PRKCH: variants seen among roughly 807,000 people sequenced by gnomAD.
PRKCH encodes the protein protein kinase C eta type.
A neutral mutation model predicts 82.5 loss-of-function variants in PRKCH; 28 were observed. That is an observed-to-expected ratio of 0.34 (90% CI 0.25 to 0.47). PRKCH has a LOEUF of 0.47. Among genes scored for constraint, PRKCH ranks in the 20% least tolerant of loss-of-function variants. The pLI is 1.00. For synonymous variants in PRKCH, 322 were observed against 327.4 expected, an observed-to-expected ratio of 0.98 and a Z score of 0.18; for missense variants, 705 against 881.8, an observed-to-expected ratio of 0.80 and a Z score of 2.54.
At chr14:61,516,994 T>C (rs1311443908) in intron 10 of PRKCH, among the ~76,000 whole-genome samples, 1 of 152,012 alleles carries the variant, frequency 6.6e-6, no homozygotes, top group Non-Finnish European at 1.5e-5. Flanking sequence ...TTTTCAGAGG[T>C]TTGTGTTTAG....
intron 9 of PRKCH, among the ~76,000 whole-genome samples, chr14:61,476,122 C>T (rs1291229899): frequency 2.0e-5 from 3 of 152,212 alleles, no homozygotes; most frequent in African/African-American, 4.8e-5. Context: ...CACTTCTTTG[C>T]CCTTTGCTTC....
intron 1 of PRKCH, among the ~76,000 whole-genome samples, chr14:61,188,738 T>TGTGTGTGA (rs1459793910): frequency 6.2e-5 from 9 of 145,736 alleles, no homozygotes; most frequent in Middle Eastern, 3.6e-3. Flanking sequence ...TGTGTGTGTG[T>TGTGTGTGA]GATGGAGTTT....
intron 10 of PRKCH, among the ~76,000 whole-genome samples, chr14:61,500,339 A>G (rs1359137222): frequency 6.6e-6 from 1 of 151,866 alleles, no homozygotes; most frequent in Non-Finnish European, 1.5e-5. Context: ...CTGGGACTAC[A>G]AGTGTGTACC....
chr14:61,528,310 C>T (rs144523956), intron 10 of PRKCH, among the ~76,000 whole-genome samples: 58 of 152,236 alleles, frequency 3.8e-4, no homozygotes, highest in Non-Finnish European at 5.1e-4. Flanking sequence ...CCTCCCACCT[C>T]AGCCTCCCAA....
At chr14:61,289,745 GAAC>G (rs2140097909) in intron 1 of PRKCH, among the ~76,000 whole-genome samples, 1 of 152,216 alleles carries the variant, frequency 6.6e-6, no homozygotes, top group East Asian at 1.9e-4. Context: ...TTACACAATA[GAAC>G]AACATGCAAA....
At chr14:61,424,475 G>C (rs566173806) in intron 2 of PRKCH, among the ~76,000 whole-genome samples, 2 of 152,314 alleles carry the variant, frequency 1.3e-5, no homozygotes, top group Middle Eastern at 3.4e-3. Flanking sequence ...TTGGGAATTG[G>C]AGTAAAGGTG....
chr14:61,537,398 G>A (rs564971169), intron 12 of PRKCH: 2 of 152,186 alleles, frequency 1.3e-5, no homozygotes, highest in East Asian at 1.9e-4. Flanking sequence ...CTGTTTTCTG[G>A]TGTCAACATG....
At position 61,408,973 on chromosome 14, in the gene PRKCH, A is replaced by T. The variant is rs1882111188; in HGVS notation, c.427+17685A>T. 4.6e-5 allele frequency among the ~76,000 whole-genome samples: 7 copies of T among 152,184 alleles called. 1 individual carries two copies. The highest frequency in any genetic ancestry group is 4.6e-4 in the Admixed American group (7 of 15,268). On this transcript the variant is annotated intron_variant, in intron 2 of 13. Coordinates refer to ENST00000332981, the MANE Select transcript of PRKCH (RefSeq NM_006255.5). ...GCAAGGTCGGGAAGGTGTAGGAGGG[A>T]TTCACTAACTCTGGGGAAAGTGTGT...
At chr14:61,469,824 G>C (rs376757287) in intron 9 of PRKCH, among the ~76,000 whole-genome samples, 13 of 151,752 alleles carry the variant, frequency 8.6e-5, no homozygotes, top group African/African-American at 2.4e-4. Context: ...GGCAGGTTAG[G>C]GGGGAAGGTG....
chr14:61,468,734 A>G (rs957858308), intron 9 of PRKCH, among the ~76,000 whole-genome samples: 1 of 152,202 alleles, frequency 6.6e-6, no homozygotes, highest in Non-Finnish European at 1.5e-5. Context: ...GGTAGCCATC[A>G]TTATCACTGA....
At chr14:61,210,753 TTTCTCTCTCTC>T (rs1185664569) in intron 1 of PRKCH, among the ~76,000 whole-genome samples, 1 of 45,632 alleles carries the variant, frequency 2.2e-5, no homozygotes, top group Non-Finnish European at 5.4e-5. Context: ...CCAAGAGTCC[TTTCTCTCTCTC>T]TCTCTCTCTC....
chr14:61,492,099 G>A (rs1016721635), intron 10 of PRKCH: 12 of 152,426 alleles, frequency 7.9e-5, no homozygotes, highest in Admixed American at 7.2e-4. Flanking sequence ...CCAGTAACAG[G>A]AAGGAGTGTG....
At chr14:61,388,796 T>C (rs1460939208) in intron 1 of PRKCH, among the ~76,000 whole-genome samples, 1 of 152,206 alleles carries the variant, frequency 6.6e-6, no homozygotes, top group Non-Finnish European at 1.5e-5. Context: ...GTTAAGAGGA[T>C]ATTGTTAACA....
intron 2 of PRKCH, among the ~76,000 whole-genome samples, chr14:61,436,942 C>G (rs1196626514): frequency 2.0e-5 from 3 of 152,226 alleles, no homozygotes; most frequent in East Asian, 3.8e-4. Flanking sequence ...TCTCCTTCCT[C>G]TTTTCCAAAG....
At chr14:61,440,213 T>C (rs1196892751) in intron 2 of PRKCH, among the ~76,000 whole-genome samples, 1 of 152,224 alleles carries the variant, frequency 6.6e-6, no homozygotes, top group Admixed American at 6.5e-5. Flanking sequence ...GGTTTCTAAA[T>C]GACTTCTAGA....
rs147403350 is a variant in PRKCH at position 61,503,797 on chromosome 14, A to G, written c.1433+18141A>G. ...CATGTATTCTGTTTTCATAAAAAGA[A>G]AGAGGTAGAGTCGAGGGCTTACCAT... On this transcript the variant is annotated intron_variant, in intron 10 of 13. Coordinates refer to ENST00000332981, the MANE Select transcript of PRKCH (RefSeq NM_006255.5). Among the ~76,000 whole-genome samples, 398 of 152,284 alleles carry G rather than the reference A, an allele frequency of 2.6e-3. 3 individuals are homozygous for G. Among genetic ancestry groups the G allele is most frequent in the South Asian group, 0.021 (99 of 4,828 alleles).
chr14:61,249,381 C>G (rs2044919107), intron 1 of PRKCH, among the ~76,000 whole-genome samples: 3 of 152,016 alleles, frequency 2.0e-5, no homozygotes. Flanking sequence ...AATGCAAGTT[C>G]TAAATGTAAG....
At chr14:61,547,645 T>C (rs2043275408) in intron 12 of PRKCH, 98 bp from the exon 13 acceptor site, 5 of 1,460,176 alleles carry the variant, frequency 3.4e-6, no homozygotes, top group Non-Finnish European at 4.6e-6. Context: ...TGCCAGAAAG[T>C]CTCGCACAGC....
intron 1 of PRKCH, among the ~76,000 whole-genome samples, chr14:61,269,224 G>T (rs2045130078): frequency 6.6e-6 from 1 of 152,008 alleles, no homozygotes; most frequent in Non-Finnish European, 1.5e-5. Context: ...GAATCATATT[G>T]CAGAAAATAT....
Sources: gnomAD v4.1 joint callset for allele counts (sites outside exome capture counted in the v4.1 genomes callset) on GRCh38, gnomAD v4.1.1 for gene constraint, MANE v1.5 for transcripts, NCBI Gene and HGNC (gene_info 2026-07-23, HGNC 2026-07-21) for gene names.